COX7B2: variants seen among roughly 807,000 people sequenced by gnomAD.
The protein encoded by COX7B2 is cytochrome c oxidase subunit 7B2, mitochondrial.
For synonymous variants in COX7B2, 37 were observed against 32.1 expected (o/e 1.15, Z -0.51); for missense variants, 109 against 95.9 (o/e 1.14, Z -0.57).
intron 2 of COX7B2, among the ~76,000 whole-genome samples, chr4:46,771,037 A>G (rs931617558): frequency 2.0e-5 from 3 of 152,158 alleles, no homozygotes; most frequent in Non-Finnish European, 4.4e-5. Flanking sequence ...AATTTAAGAA[A>G]TGAGAGAAAA....
chr4:46,787,778 G>A (rs1005919629), intron 2 of COX7B2, among the ~76,000 whole-genome samples: 2 of 152,174 alleles, frequency 1.3e-5, no homozygotes, highest in African/African-American at 4.8e-5. Context: ...TTCTGTAATG[G>A]TTCACAGCTT....
chr4:46,840,001 A>C (rs180832335), intron 2 of COX7B2, among the ~76,000 whole-genome samples: 113 of 152,196 alleles, frequency 7.4e-4, no homozygotes, highest in Non-Finnish European at 8.1e-4. Flanking sequence ...CAGTAAACCC[A>C]GATAACAAAG....
At chr4:46,891,943 T>C (rs1719454945) in intron 1 of COX7B2, among the ~76,000 whole-genome samples, 1 of 152,212 alleles carries the variant, frequency 6.6e-6, no homozygotes, top group Admixed American at 6.5e-5. Context: ...ATCTTATGTA[T>C]TCATTTATTT....
At chr4:46,746,165 C>CTTTATATTAAAGATT in intron 2 of COX7B2, among the ~76,000 whole-genome samples, 2 of 151,982 alleles carry the variant, frequency 1.3e-5, no homozygotes, top group Non-Finnish European at 2.9e-5. Context: ...CTTTATATTG[C>CTTTATATTAAAGATT]CCTTTAATAT....
intron 2 of COX7B2, among the ~76,000 whole-genome samples, chr4:46,800,304 C>T (rs897807609): frequency 7.2e-5 from 11 of 151,988 alleles, no homozygotes; most frequent in Non-Finnish European, 1.6e-4. Context: ...TGAGTCAGAA[C>T]AGCCAAAGCA....
At chr4:46,788,080 G>A (rs1380060396) in intron 2 of COX7B2, among the ~76,000 whole-genome samples, 3 of 151,908 alleles carry the variant, frequency 2.0e-5, no homozygotes, top group Non-Finnish European at 2.9e-5. Flanking sequence ...TACAGATTGA[G>A]AAAATAACAA....
chr4:46,783,145 C>T (rs1717573976), intron 2 of COX7B2, among the ~76,000 whole-genome samples: 2 of 152,124 alleles, frequency 1.3e-5, no homozygotes, highest in South Asian at 4.1e-4. Context: ...TTTTTTTCCA[C>T]TGTAAAGTAA....
chr4:46,816,429 G>A (rs1350282212), intron 2 of COX7B2, among the ~76,000 whole-genome samples: 1 of 151,968 alleles, frequency 6.6e-6, no homozygotes, highest in Non-Finnish European at 1.5e-5. Context: ...CCTTAAACCT[G>A]AACTGAAGTT....
At chr4:46,750,243 C>CA (rs1553879328) in intron 2 of COX7B2, among the ~76,000 whole-genome samples, 1 of 147,904 alleles carries the variant, frequency 6.8e-6, no homozygotes, top group African/African-American at 2.5e-5. Context: ...CACACACACA[C>CA]ATTATCCAGG....
At chr4:46,808,803 A>G (rs1281089926) in intron 2 of COX7B2, among the ~76,000 whole-genome samples, 1 of 151,870 alleles carries the variant, frequency 6.6e-6, no homozygotes, top group Non-Finnish European at 1.5e-5. Flanking sequence ...CACGTGGTTT[A>G]TATCTTTTAT....
intron 2 of COX7B2, among the ~76,000 whole-genome samples, chr4:46,788,340 A>G (rs1276606550): frequency 1.3e-5 from 2 of 152,204 alleles, no homozygotes; most frequent in Non-Finnish European, 2.9e-5. Flanking sequence ...ATAAAAAATC[A>G]TACATAACTA....
At chr4:46,836,130 T>C (rs774829632) in intron 2 of COX7B2, among the ~76,000 whole-genome samples, 1 of 152,140 alleles carries the variant, frequency 6.6e-6, no homozygotes, top group Non-Finnish European at 1.5e-5. Flanking sequence ...TGTACACTAC[T>C]GTAGACTTTA....
At position 46,880,258 on chromosome 4, in the gene COX7B2, G is replaced by A. The variant is rs187643356; in HGVS notation, c.-105+28902C>T. 1.6e-3 allele frequency among the ~76,000 whole-genome samples: 247 copies of A among 152,170 alleles called. 3 individuals carry two copies. The highest frequency in any genetic ancestry group is 5.7e-3 in the African/African-American group (237 of 41,510). On this transcript the variant is annotated intron_variant, in intron 1 of 2. Transcript: ENST00000355591. ...TCCTTTATTTGTTGTGTCTCTGCCA[G>A]GTTTTGATACCAAGATGATGCTGAC...
At chr4:46,857,860 T>TTTGTG (rs1190703202) in intron 1 of COX7B2, among the ~76,000 whole-genome samples, 7 of 152,174 alleles carry the variant, frequency 4.6e-5, no homozygotes, top group Admixed American at 1.3e-4. Flanking sequence ...TAAGAGCTTT[T>TTTGTG]TTGTGTTGTT....
intron 1 of COX7B2, among the ~76,000 whole-genome samples, chr4:46,867,328 A>G (rs530813821): frequency 6.6e-6 from 1 of 152,276 alleles, no homozygotes; most frequent in Admixed American, 6.5e-5. Context: ...ATGGGAAAAA[A>G]TAAGGTAGGA....
chr4:46,897,743 G>C (rs953667561), intron 1 of COX7B2, among the ~76,000 whole-genome samples: 2 of 152,090 alleles, frequency 1.3e-5, no homozygotes, highest in African/African-American at 2.4e-5. Flanking sequence ...ACAGATGACA[G>C]TGGCTTAAAG....
At chr4:46,808,796 G>A (rs537059965) in intron 2 of COX7B2, among the ~76,000 whole-genome samples, 1 of 151,994 alleles carries the variant, frequency 6.6e-6, no homozygotes, top group African/African-American at 2.4e-5. Flanking sequence ...AGATGATCAC[G>A]TGGTTTATAT....
rs1714541447 is a variant in COX7B2, at chr4:46,824,556, CACTT to C, written c.-50+20400_-50+20403del. ...ACAGACAAACAAACAAACAAAAAAACACTTAATCATTTACTGTTGGTTAGCCTAC... is the reference window on the plus strand; with the variant it reads ...ACAGACAAACAAACAAACAAAAAAACAATCATTTACTGTTGGTTAGCCTAC... On this transcript the variant is annotated intron_variant, in intron 2 of 2. Transcript: ENST00000355591. 2.6e-5 allele frequency among the ~76,000 whole-genome samples: 4 copies of C among 151,038 alleles called. No individual in the cohort carries two copies. In the South Asian group the frequency reaches 8.4e-4, roughly 32 times the overall value.
At chr4:46,903,019 G>A (rs2109900043) in intron 1 of COX7B2, among the ~76,000 whole-genome samples, 1 of 152,242 alleles carries the variant, frequency 6.6e-6, no homozygotes. Flanking sequence ...CCTGCAATGA[G>A]ATCAAACAAC....
Sources: gnomAD v4.1 joint callset for allele counts (sites outside exome capture counted in the v4.1 genomes callset) on GRCh38, gnomAD v4.1.1 for gene constraint, MANE v1.5 for transcripts, NCBI Gene and HGNC (gene_info 2026-07-23, HGNC 2026-07-21) for gene names.